The following ZBTB7C variants were observed in gnomAD, a reference collection of about 807,000 sequenced individuals.
The protein encoded by ZBTB7C is zinc finger and BTB domain-containing protein 7C.
ZBTB7C carries 8 observed loss-of-function variants against 25.7 expected under a neutral mutation model. The ratio of observed to expected loss-of-function variants is 0.31; its 90% CI spans 0.18 to 0.56. The LOEUF is 0.56. Among genes scored for constraint, ZBTB7C ranks in the 20% least tolerant of loss-of-function variants. ZBTB7C has a pLI of 0.91. For synonymous variants in ZBTB7C, 394 were observed against 369.0 expected (o/e 1.07, Z -0.78); for missense variants, 824 against 855.2 (o/e 0.96, Z 0.46).
intron 2 of ZBTB7C, among the ~76,000 whole-genome samples, chr18:48,290,593 G>A (rs1474501585): frequency 2.0e-5 from 3 of 152,194 alleles, no homozygotes; most frequent in Non-Finnish European, 4.4e-5. Flanking sequence ...TGGGGGTTGG[G>A]GACAGACTGT....
chr18:48,094,937 AT>A (rs1465526936), intron 3 of ZBTB7C, among the ~76,000 whole-genome samples: 2 of 152,160 alleles, frequency 1.3e-5, no homozygotes, highest in African/African-American at 4.8e-5. Context: ...CCATGCTCAT[AT>A]ATTAGCTGCC....
intron 2 of ZBTB7C, among the ~76,000 whole-genome samples, chr18:48,234,243 C>T (rs1438117173): frequency 6.6e-6 from 1 of 152,028 alleles, no homozygotes; most frequent in African/African-American, 2.4e-5. Flanking sequence ...TTATTATATA[C>T]TATACCATAT....
At chr18:48,206,024 G>A (rs2042568883) in intron 2 of ZBTB7C, among the ~76,000 whole-genome samples, 1 of 152,166 alleles carries the variant, frequency 6.6e-6, no homozygotes, top group Non-Finnish European at 1.5e-5. Flanking sequence ...TAGATTCAAT[G>A]CAGGTCCAGT....
At chr18:48,331,683 T>C (rs1264757404) in intron 2 of ZBTB7C, among the ~76,000 whole-genome samples, 2 of 152,224 alleles carry the variant, frequency 1.3e-5, no homozygotes, top group African/African-American at 2.4e-5. Context: ...TCTTTTTGCA[T>C]GTGACCCTAC....
rs944024354 is a variant in ZBTB7C, at chr18:48,327,658, A to C, written c.-79+10516T>G. Reference sequence around the variant, plus strand: ...ACAGTACTTGGAGAAGAATCGCTGGAGATGAGAGAGGGCAGGGCCCTCAGC... The same window carrying C: ...ACAGTACTTGGAGAAGAATCGCTGGCGATGAGAGAGGGCAGGGCCCTCAGC... On this transcript the variant is annotated intron_variant, in intron 2 of 4. Transcript: ENST00000590800. 2.0e-5 allele frequency among the ~76,000 whole-genome samples: 3 copies of C among 152,150 alleles called. No individual in the cohort carries two copies. In the South Asian group the frequency reaches 6.2e-4, roughly 32 times the overall value.
intron 3 of ZBTB7C, among the ~76,000 whole-genome samples, chr18:48,065,390 AC>A (rs2037291375): frequency 6.6e-6 from 1 of 151,820 alleles, no homozygotes; most frequent in Non-Finnish European, 1.5e-5. Flanking sequence ...TAGTATAGAA[AC>A]CTGTTTAACT....
At chr18:48,141,623 C>T (rs796328924) in intron 3 of ZBTB7C, among the ~76,000 whole-genome samples, 6 of 152,114 alleles carry the variant, frequency 3.9e-5, no homozygotes, top group South Asian at 2.1e-4. Context: ...TATGGTGTCA[C>T]GGTGGCGTGG....
chr18:48,342,979 G>A (rs1403700807), intron 1 of ZBTB7C, among the ~76,000 whole-genome samples: 1 of 152,194 alleles, frequency 6.6e-6, no homozygotes, highest in Non-Finnish European at 1.5e-5. Flanking sequence ...TGACCCGACA[G>A]TACCTGCTGG....
chr18:48,041,257 A>T (rs2036231119), intron 3 of ZBTB7C, 134 bp from the exon 4 acceptor site: 2 of 1,414,098 alleles, frequency 1.4e-6, no homozygotes, highest in Admixed American at 5.8e-5. Context: ...CCTACCTCTT[A>T]GCCTTGCCAA....
intron 2 of ZBTB7C, among the ~76,000 whole-genome samples, chr18:48,255,038 A>G (rs1343561896): frequency 6.6e-6 from 1 of 152,238 alleles, no homozygotes; most frequent in Non-Finnish European, 1.5e-5. Context: ...AACAAATCTT[A>G]TAAGCAAGGT....
In ZBTB7C at chr18:48,393,194, CA is replaced by C. The variant is rs2047942062; in HGVS notation, c.-304+16031del. 2.0e-5 allele frequency among the ~76,000 whole-genome samples: 3 copies of C among 152,166 alleles called. No individual in the cohort carries two copies. The East Asian group carries it at 5.8e-4, about 29-fold the overall frequency. ...TGCCAGGGTGGGACTCGAGTGGAAT[CA>C]AGCGGGGCCCTGCCCAGAGTATGGC... On this transcript the variant is annotated intron_variant, in intron 1 of 4. Transcript: ENST00000590800.
chr18:48,151,674 C>G (rs2040683554), intron 3 of ZBTB7C, among the ~76,000 whole-genome samples: 1 of 152,200 alleles, frequency 6.6e-6, no homozygotes. Context: ...GTTCTTCAAT[C>G]TCCAATCAGA....
chr18:48,186,738 TCTG>T (rs77343780), intron 2 of ZBTB7C, among the ~76,000 whole-genome samples: 9,364 of 152,272 alleles, frequency 0.061, 292 homozygotes, highest in East Asian at 0.1. Flanking sequence ...GCCCTTTAGT[TCTG>T]CTGATGCATA....
At chr18:48,155,988 T>C (rs1021188713) in intron 3 of ZBTB7C, among the ~76,000 whole-genome samples, 4 of 152,156 alleles carry the variant, frequency 2.6e-5, no homozygotes, top group African/African-American at 9.7e-5. Context: ...AAGGAGGGTG[T>C]GCCTAAGGTT....
chr18:48,335,277 TAAG>T (rs1349326764), intron 2 of ZBTB7C, among the ~76,000 whole-genome samples: 1 of 152,216 alleles, frequency 6.6e-6, no homozygotes, highest in East Asian at 1.9e-4. Flanking sequence ...TTTAGGAAAA[TAAG>T]AAGAATTACT....
At chr18:48,235,213 GT>G (rs930344710) in intron 2 of ZBTB7C, among the ~76,000 whole-genome samples, 4 of 151,878 alleles carry the variant, frequency 2.6e-5, no homozygotes, top group African/African-American at 9.7e-5. Flanking sequence ...TTTATATGGT[GT>G]TTTTTTCTAC....
At chr18:48,234,351 C>A (rs1179481749) in intron 2 of ZBTB7C, among the ~76,000 whole-genome samples, 1 of 152,138 alleles carries the variant, frequency 6.6e-6, no homozygotes, top group African/African-American at 2.4e-5. Context: ...ATAAGACACA[C>A]TGATGGCAGA....
At chr18:48,281,015 A>G (rs146129700) in intron 2 of ZBTB7C, among the ~76,000 whole-genome samples, 8,088 of 151,842 alleles carry the variant, frequency 0.053, 261 homozygotes, top group Non-Finnish European at 0.072. Context: ...CACCATGCCC[A>G]GCTAATTTTT....
intron 2 of ZBTB7C, among the ~76,000 whole-genome samples, chr18:48,285,225 AG>A (rs1165987165): frequency 2.0e-5 from 3 of 152,202 alleles, no homozygotes; most frequent in Admixed American, 1.3e-4. Context: ...TGTTTACAAA[AG>A]GTATGTTTAA....
Sources: gnomAD v4.1 joint callset for allele counts (sites outside exome capture counted in the v4.1 genomes callset) on GRCh38, gnomAD v4.1.1 for gene constraint, MANE v1.5 for transcripts, NCBI Gene and HGNC (gene_info 2026-07-23, HGNC 2026-07-21) for gene names.